The following ABCA8 variants were observed in gnomAD, a reference collection of about 807,000 sequenced individuals.
ABCA8 encodes the protein ATP binding cassette subfamily A member 8.
Under a neutral mutation model 192.3 loss-of-function variants are expected in ABCA8, and 177 were observed. That is an observed-to-expected ratio of 0.92 (90% CI 0.81 to 1.04). The LOEUF (loss-of-function observed/expected upper bound fraction) is 1.04, where lower values mean the gene tolerates loss of function less well. Ranked by LOEUF, ABCA8 falls within the 50% of genes least tolerant of loss-of-function variation. The pLI is 0.00. For synonymous variants in ABCA8, 642 were observed against 690.2 expected (o/e 0.93, Z 1.09); for missense variants, 1,915 against 1,904.8 (o/e 1.01, Z -0.10).
intron 21 of ABCA8, among the ~76,000 whole-genome samples, chr17:68,895,787 C>T (rs977136852): frequency 2.0e-5 from 3 of 152,160 alleles, no homozygotes; most frequent in African/African-American, 7.2e-5. Flanking sequence ...AAGATCAATA[C>T]CAGGCAAGAG....
chr17:68,937,153 A>G, intron 4 of ABCA8, 38 bp from the exon 5 acceptor site: 1 of 1,512,684 alleles, frequency 6.6e-7, no homozygotes, highest in East Asian at 2.4e-5. Context: ...TTAGTAAATT[A>G]CTAGGAGACA....
At chr17:68,941,016 C>T (rs2068215297) in intron 3 of ABCA8, 54 bp from the exon 4 acceptor site, 1 of 1,383,532 alleles carries the variant, frequency 7.2e-7, no homozygotes, top group Admixed American at 2.0e-5. Context: ...ATTAGTCATC[C>T]ACAATCATTT....
At chr17:68,903,226 C>A in intron 20 of ABCA8, 75 bp downstream of exon 20, 1 of 1,491,928 alleles carries the variant, frequency 6.7e-7, no homozygotes, top group South Asian at 1.2e-5. Flanking sequence ...TGTTTTTTTG[C>A]TTGCCTTTAT....
chr17:68,907,318 AC>A (rs2067095346), intron 18 of ABCA8, among the ~76,000 whole-genome samples: 1 of 152,162 alleles, frequency 6.6e-6, no homozygotes, highest in Non-Finnish European at 1.5e-5. Flanking sequence ...AGTTCCCTGA[AC>A]AACAAACATA....
Position 68,907,888 on chromosome 17 carries a change from C to T in ABCA8, c.2139-9G>A. 1 of 1,470,436 alleles carries T rather than the reference C, an allele frequency of 6.8e-7. No individual in the cohort carries two copies. Among genetic ancestry groups the T allele is most frequent in the Non-Finnish European group, 8.9e-7 (1 of 1,117,620 alleles). 91.1% of individuals were successfully genotyped at this position (1,470,436 alleles called of 1,614,324 possible). A position where few individuals can be genotyped will look rare whatever the true frequency, so the allele number is the denominator to read the frequency against. ...TTTCATTTAACTGCAAGCTGGCATTCAGAAAAAAAAAAAAAGACATATGTT... is the reference window on the plus strand; with the variant it reads ...TTTCATTTAACTGCAAGCTGGCATTTAGAAAAAAAAAAAAAGACATATGTT... On this transcript the variant is annotated splice_polypyrimidine_tract_variant and intron_variant, in intron 17 of 39. Coordinates refer to ENST00000586539, the MANE Select transcript of ABCA8 (RefSeq NM_001288985.2).
Position 68,888,310 on chromosome 17 carries a change from A to G in ABCA8, c.3145-804T>C, listed in dbSNP as rs569393011. ...TTACATGTTTTAAAACTACTTATGAAGTGATGTGGTTTTCAGTATAATCAA... is the reference window on the plus strand; with the variant it reads ...TTACATGTTTTAAAACTACTTATGAGGTGATGTGGTTTTCAGTATAATCAA... On this transcript the variant is annotated intron_variant, in intron 24 of 39. Transcript: ENST00000586539. Among the ~76,000 whole-genome samples, 8 of 152,176 alleles carry G rather than the reference A, an allele frequency of 5.3e-5. No homozygotes were observed. In the East Asian group the frequency reaches 1.6e-3, roughly 29 times the overall value.
At chr17:68,901,492 T>C (rs376322905) in intron 21 of ABCA8, among the ~76,000 whole-genome samples, 2 of 152,134 alleles carry the variant, frequency 1.3e-5, no homozygotes, top group South Asian at 2.1e-4. Flanking sequence ...CAAGCATACG[T>C]AGAAACTGGA....
intron 2 of ABCA8, among the ~76,000 whole-genome samples, chr17:68,942,259 G>A (rs1598292453): frequency 6.6e-6 from 1 of 152,062 alleles, no homozygotes. Context: ...CCCTGTGCCT[G>A]TTATCAATTT....
chr17:68,887,534 G>C lies in ABCA8; in HGVS notation c.3145-28C>G, dbSNP rs375961591. 6.4e-6 allele frequency: 10 copies of C among 1,561,070 alleles called. No individual in the cohort carries two copies. In the African/African-American group the frequency reaches 9.6e-5, roughly 15 times the overall value. On this transcript the variant is annotated intron_variant, in intron 24 of 39. Transcript: ENST00000586539. ...AATTAGGAGACAGCAAAGATACAAA[G>C]TTTGTGGCTTAAGAATATGTGGATT...
At chr17:68,924,469 T>C (rs2067638817) in intron 11 of ABCA8, among the ~76,000 whole-genome samples, 1 of 152,146 alleles carries the variant, frequency 6.6e-6, no homozygotes. Context: ...TGTTGAATTA[T>C]CTTAGCTGGT....
In ABCA8 at chr17:68,886,836, A is replaced by T. The variant is rs113439357; in HGVS notation, c.3429+181T>A. ...AAAGAAGAGAGGCTTTATGGAATTA[A>T]TTCTTATTAGGGACTTTGGTGAAGT... On this transcript the variant is annotated intron_variant, in intron 26 of 39. Transcript: ENST00000586539. 3.9e-3 allele frequency: 1,415 copies of T among 361,236 alleles called. 19 individuals are homozygous for T. The highest frequency in any genetic ancestry group is 0.027 in the African/African-American group (1,273 of 47,386). 22.4% of individuals were successfully genotyped at this position (361,236 alleles called of 1,614,324 possible).
chr17:68,945,120 A>C (rs998553549), intron 2 of ABCA8, among the ~76,000 whole-genome samples: 2 of 152,110 alleles, frequency 1.3e-5, no homozygotes, highest in African/African-American at 4.8e-5. Flanking sequence ...GCTTGGGTGC[A>C]CAAGGCCTTT....
intron 17 of ABCA8, among the ~76,000 whole-genome samples, chr17:68,909,802 T>C (rs2067186312): frequency 6.6e-6 from 1 of 152,204 alleles, no homozygotes; most frequent in Non-Finnish European, 1.5e-5. Context: ...TTAAGGAAAC[T>C]GTCATCCTAT....
chr17:68,917,406 GA>G lies in ABCA8; in HGVS notation c.2092del (p.Ser698LeufsTer5), dbSNP rs1363328165. On this transcript the variant is annotated frameshift_variant, in exon 17 of 40. Coordinates refer to ENST00000586539, the MANE Select transcript of ABCA8 (RefSeq NM_001288985.2). LOFTEE classifies it high-confidence loss of function. ...CCATTTCTTCTTTAGAAACAAAGAA[GA>G]GCCCGCGCACTTTAGCTTCCCTTGG... ...LSQGKLKCAGSSLFLKKKWGI... is the reference protein window; with the variant it reads ...LSQGKLKCAGXSLFLKKKWGI... 13 of 1,612,234 alleles carry G rather than the reference GA, an allele frequency of 8.1e-6. No homozygotes were observed. The highest frequency in any genetic ancestry group is 1.0e-5 in the Non-Finnish European group (12 of 1,179,030).
intron 2 of ABCA8, among the ~76,000 whole-genome samples, chr17:68,947,711 TTTAGA>T (rs1419973671): frequency 1.5e-5 from 2 of 136,520 alleles, no homozygotes; most frequent in Admixed American, 7.3e-5. Context: ...ATTCATTATA[TTTAGA>T]TTATTTATTT....
chr17:68,908,120 G>A (rs2067132784), intron 17 of ABCA8, among the ~76,000 whole-genome samples: 2 of 152,182 alleles, frequency 1.3e-5, no homozygotes, highest in African/African-American at 4.8e-5. Context: ...TTACTGGTGA[G>A]GTTACTCAGG....
At chr17:68,952,093 A>G (rs771311032) in intron 1 of ABCA8, among the ~76,000 whole-genome samples, 3 of 152,198 alleles carry the variant, frequency 2.0e-5, no homozygotes, top group Non-Finnish European at 2.9e-5. Flanking sequence ...ATACTTTTCT[A>G]AGAAACTATA....
In ABCA8 at chr17:68,929,110, G is replaced by T; in HGVS notation, c.1064C>A (p.Ala355Glu). ...CAAGCTTAAAATCCACTCCAAGGAT[G>T]CAGGAAGGTGTCTGTACAGTGATGT... Reference protein sequence around the residue: ...GFTSLYRHLPASLEWILSLLS... With the variant: ...GFTSLYRHLPESLEWILSLLS... The change falls in exon 9 of 40, where the codon GCA (alanine) becomes GAA (glutamate). Residue 355 changes from alanine to glutamate, a missense_variant. Coordinates refer to ENST00000586539, the MANE Select transcript of ABCA8 (RefSeq NM_001288985.2). 3 of 1,604,536 alleles carry T rather than the reference G, an allele frequency of 1.9e-6. No homozygotes were observed. Among genetic ancestry groups the T allele is most frequent in the Non-Finnish European group, 8.5e-7 (1 of 1,174,804 alleles).
chr17:68,892,979 C>T (rs1156340), intron 23 of ABCA8, among the ~76,000 whole-genome samples: 60,804 of 151,936 alleles, frequency 0.4, 13,364 homozygotes, highest in African/African-American at 0.59. Context: ...CACTGCACTC[C>T]GGCTGGGTGG....
Sources: allele counts gnomAD v4.1 joint callset (sites outside exome capture counted in the v4.1 genomes callset), GRCh38; gene constraint gnomAD v4.1.1; transcripts MANE v1.5; gene names NCBI Gene and HGNC (gene_info 2026-07-23, HGNC 2026-07-21).